The following ARID1B variants were observed in gnomAD, a reference collection of about 807,000 sequenced individuals.
ARID1B encodes the protein AT-rich interactive domain-containing protein 1B.
In ARID1B, 30 loss-of-function variants were observed where a neutral mutation model predicts 212.3. The ratio of observed to expected loss-of-function variants is 0.14; its 90% CI spans 0.11 to 0.19. The LOEUF is 0.19. Ranked by LOEUF, ARID1B falls within the 10% of genes least tolerant of loss-of-function variation. The pLI, the probability that ARID1B is intolerant of heterozygous loss-of-function variation, is 1.00. For synonymous variants in ARID1B, 1,402 were observed against 1,301.7 expected (o/e 1.08, Z -1.66); for missense variants, 2,891 against 3,204.0 (o/e 0.90, Z 2.36).
chr6:156,881,213 T>G (rs1203733475), intron 2 of ARID1B, among the ~76,000 whole-genome samples: 1 of 152,196 alleles, frequency 6.6e-6, no homozygotes, highest in African/African-American at 2.4e-5. Context: ...AAAGCTGATT[T>G]CTGTTAATTA....
rs532857305 is a variant in ARID1B at position 156,827,754 on chromosome 6, C to CTTTTT, written c.1792-1448_1792-1444dup. Among the ~76,000 whole-genome samples, 31 of 68,456 alleles carry CTTTTT rather than the reference C, an allele frequency of 4.5e-4. 2 individuals carry two copies. The highest frequency in any genetic ancestry group is 1.8e-3 in the East Asian group (3 of 1,714). The allele number at this position is 68,456 out of a possible 152,430, so 44.9% of individuals were successfully genotyped here. On this transcript the variant is annotated intron_variant, in intron 1 of 19. Transcript: ENST00000636930. ...GTTATTCCCCTTTATCCTGGTAATT[C>CTTTTT]TTTTTTTTTTTTTTTTTTTTTTTTT...
intron 3 of ARID1B, among the ~76,000 whole-genome samples, chr6:156,925,500 C>T (rs1457695644): frequency 6.6e-6 from 1 of 151,684 alleles, no homozygotes. Context: ...ACAGTGAGAC[C>T]CTTTCTCTAA....
intron 4 of ARID1B, among the ~76,000 whole-genome samples, chr6:156,989,542 G>A (rs1163450465): frequency 6.6e-6 from 1 of 152,148 alleles, no homozygotes; most frequent in African/African-American, 2.4e-5. Context: ...GGACCCTGGG[G>A]GTGATACATA....
intron 2 of ARID1B, among the ~76,000 whole-genome samples, chr6:156,893,186 G>A (rs1220524864): frequency 6.6e-6 from 1 of 151,930 alleles, no homozygotes; most frequent in Admixed American, 6.6e-5. Context: ...GGGATCACAG[G>A]CACTCATCAC....
At chr6:156,894,188 C>T (rs1273211778) in intron 2 of ARID1B, among the ~76,000 whole-genome samples, 2 of 148,954 alleles carry the variant, frequency 1.3e-5, no homozygotes, top group Admixed American at 6.8e-5. Context: ...CACAAAGGAA[C>T]AAATATTGTG....
chr6:156,944,525 G>T (rs1286172750), intron 4 of ARID1B, among the ~76,000 whole-genome samples: 1 of 152,166 alleles, frequency 6.6e-6, no homozygotes, highest in Non-Finnish European at 1.5e-5. Context: ...GGAAAGGGAA[G>T]GGGGAGGCAG....
intron 7 of ARID1B, among the ~76,000 whole-genome samples, chr6:157,144,062 C>G (rs1237043957): frequency 1.3e-5 from 2 of 152,232 alleles, no homozygotes; most frequent in East Asian, 3.8e-4. Context: ...AGCTGCCGAA[C>G]TGGGCAAAGC....
intron 4 of ARID1B, among the ~76,000 whole-genome samples, chr6:156,980,302 A>C (rs1301158425): frequency 3.3e-5 from 5 of 151,888 alleles, no homozygotes; most frequent in African/African-American, 1.2e-4. Flanking sequence ...GGCCCACACA[A>C]TGAAACCCCA....
At position 156,779,324 on chromosome 6, in the gene ARID1B, C is replaced by T. The variant is rs1206264066; in HGVS notation, c.1644C>T (p.Gly548=). The part of the protein sequence containing the change: ...SQAAAAGAAA[G]GQQAAAGMGL... ...CGGCGGCGGCGGGGGCGGCGGCGGG[C>T]GGCCAGCAGGCGGCCGCGGGCATGG... The change falls in exon 1 of 20, where the codon GGC becomes GGT. Residue 548 remains glycine (G), a synonymous_variant. Coordinates refer to ENST00000636930, the MANE Select transcript of ARID1B (RefSeq NM_001374828.1). 13 of 1,140,338 alleles carry T rather than the reference C, an allele frequency of 1.1e-5. No homozygotes were observed. The highest frequency in any genetic ancestry group is 1.4e-5 in the Non-Finnish European group (13 of 931,374). The allele number at this position is 1,140,338 out of a possible 1,614,324, so 70.6% of individuals were successfully genotyped here. A position where few individuals can be genotyped will look rare whatever the true frequency, so the allele number is the denominator to read the frequency against.
intron 2 of ARID1B, among the ~76,000 whole-genome samples, chr6:156,848,309 C>CACT (rs1784358729): frequency 6.6e-6 from 1 of 152,192 alleles, no homozygotes; most frequent in African/African-American, 2.4e-5. Context: ...AAACTAAAAA[C>CACT]AACAACAGCA....
At chr6:156,818,338 C>A (rs1351598086) in intron 1 of ARID1B, among the ~76,000 whole-genome samples, 1 of 151,922 alleles carries the variant, frequency 6.6e-6, no homozygotes, top group Non-Finnish European at 1.5e-5. Flanking sequence ...ATAGGTAAGT[C>A]AGTTGGTAAT....
chr6:156,819,402 T>G (rs1156426371), intron 1 of ARID1B, among the ~76,000 whole-genome samples: 1 of 152,186 alleles, frequency 6.6e-6, no homozygotes, highest in Non-Finnish European at 1.5e-5. Context: ...TAACTTACTC[T>G]CAAAATAAAC....
intron 6 of ARID1B, among the ~76,000 whole-genome samples, chr6:157,126,429 T>C (rs535309118): frequency 4.6e-4 from 70 of 152,226 alleles, no homozygotes; most frequent in African/African-American, 1.7e-3. Flanking sequence ...ATTTTTCTTT[T>C]GCTTGATTTT....
At chr6:156,912,351 G>A (rs1170731894) in intron 3 of ARID1B, among the ~76,000 whole-genome samples, 1 of 143,996 alleles carries the variant, frequency 6.9e-6, no homozygotes, top group Non-Finnish European at 1.5e-5. Context: ...CATTATACTC[G>A]CCCTCACGCT....
chr6:156,963,674 TA>T (rs770371782), intron 4 of ARID1B, among the ~76,000 whole-genome samples: 4 of 152,210 alleles, frequency 2.6e-5, no homozygotes, highest in Non-Finnish European at 5.9e-5. Context: ...AAATGCTACA[TA>T]AAATCAAAAC....
intron 4 of ARID1B, among the ~76,000 whole-genome samples, chr6:157,027,854 G>A (rs1780757277): frequency 6.6e-6 from 1 of 152,188 alleles, no homozygotes; most frequent in Admixed American, 6.5e-5. Context: ...GTGGGACTGG[G>A]AGAGGGATTT....
intron 7 of ARID1B, among the ~76,000 whole-genome samples, chr6:157,145,064 T>C (rs912471009): frequency 1.3e-5 from 2 of 152,178 alleles, no homozygotes; most frequent in Admixed American, 6.5e-5. Flanking sequence ...CCTGTTCCCC[T>C]GTGTCTTCCA....
Position 157,210,309 on chromosome 6 carries a change from T to C in ARID1B, c.*2418T>C. The C allele has an allele frequency of 4.3e-6, 1 of 230,710 alleles. No homozygotes were observed. 14.3% of individuals were successfully genotyped at this position (230,710 alleles called of 1,614,324 possible). On this transcript the variant is annotated 3_prime_UTR_variant, in exon 20 of 20. Transcript: ENST00000636930. ...AGAGGGAATTCAATATTATTCTAATTTCTCTCTTACAGAGTACAAATAAAA... is the reference window on the plus strand; with the variant it reads ...AGAGGGAATTCAATATTATTCTAATCTCTCTCTTACAGAGTACAAATAAAA...
intron 18 of ARID1B, among the ~76,000 whole-genome samples, chr6:157,202,661 C>T (rs1040859423): frequency 3.9e-5 from 6 of 151,942 alleles, no homozygotes; most frequent in Middle Eastern, 3.4e-3. Flanking sequence ...CACACACACA[C>T]ACACACATAT....
Sources: allele counts gnomAD v4.1 joint callset (sites outside exome capture counted in the v4.1 genomes callset), GRCh38; gene constraint gnomAD v4.1.1; transcripts MANE v1.5; gene names NCBI Gene and HGNC (gene_info 2026-07-23, HGNC 2026-07-21).